The following NKAIN2 variants were observed in gnomAD, a reference collection of about 807,000 sequenced individuals.
NKAIN2 encodes sodium/potassium transporting ATPase interacting 2.
Under a neutral mutation model 32.6 loss-of-function variants are expected in NKAIN2, and 14 were observed. The ratio of observed to expected loss-of-function variants is 0.43; its 90% CI spans 0.28 to 0.67. The LOEUF is 0.67. Among genes scored for constraint, NKAIN2 ranks in the 30% least tolerant of loss-of-function variants. NKAIN2 has a pLI of 0.17. For missense variants in NKAIN2, 198 were observed against 258.3 expected (o/e 0.77, Z 1.60); for synonymous variants, 80 against 87.2 (o/e 0.92, Z 0.46).
At chr6:124,038,709 A>T (rs1308077181) in intron 1 of NKAIN2, among the ~76,000 whole-genome samples, 1 of 152,148 alleles carries the variant, frequency 6.6e-6, no homozygotes. Flanking sequence ...TAACTGGCTC[A>T]AACAAGAATA....
At chr6:124,476,004 GTA>G (rs756463262) in intron 3 of NKAIN2, among the ~76,000 whole-genome samples, 153 of 151,920 alleles carry the variant, frequency 1.0e-3, no homozygotes, top group African/African-American at 3.5e-3. Flanking sequence ...GTGTGTGTAT[GTA>G]TGTGTGTGTG....
At chr6:124,328,756 T>G (rs1241552248) in intron 2 of NKAIN2, among the ~76,000 whole-genome samples, 1 of 152,176 alleles carries the variant, frequency 6.6e-6, no homozygotes, top group Non-Finnish European at 1.5e-5. Context: ...GAGCTGTCAT[T>G]GGATGTAGGC....
chr6:124,331,347 A>C (rs1376699487), intron 2 of NKAIN2, among the ~76,000 whole-genome samples: 1 of 33,946 alleles, frequency 2.9e-5, no homozygotes, highest in Non-Finnish European at 6.7e-5. Flanking sequence ...TAAATATACA[A>C]AAAAAAAAAA....
At chr6:123,941,918 A>G (rs561273997) in intron 1 of NKAIN2, among the ~76,000 whole-genome samples, 11 of 151,856 alleles carry the variant, frequency 7.2e-5, no homozygotes, top group Non-Finnish European at 1.2e-4. Context: ...CTTGGACTTC[A>G]GCTTCAGTTT....
chr6:124,387,296 T>G (rs1046438522), intron 3 of NKAIN2, among the ~76,000 whole-genome samples: 26 of 20,806 alleles, frequency 1.2e-3, no homozygotes, highest in Middle Eastern at 0.019. Flanking sequence ...AATTAAAGGT[T>G]TTTTTTTTTT....
chr6:124,782,865 A>G (rs1779337442), intron 4 of NKAIN2, among the ~76,000 whole-genome samples: 1 of 152,142 alleles, frequency 6.6e-6, no homozygotes, highest in African/African-American at 2.4e-5. Flanking sequence ...CAAACATACA[A>G]TCTTAAACTT....
intron 5 of NKAIN2, among the ~76,000 whole-genome samples, chr6:124,815,740 A>C (rs887777890): frequency 4.6e-5 from 7 of 152,252 alleles, no homozygotes; most frequent in South Asian, 2.1e-4. Flanking sequence ...TACTTGCTAT[A>C]GTTCTATAGT....
intron 4 of NKAIN2, among the ~76,000 whole-genome samples, chr6:124,731,264 A>G (rs1331954422): frequency 6.9e-6 from 1 of 145,912 alleles, no homozygotes; most frequent in Non-Finnish European, 1.5e-5. Flanking sequence ...ATGCACACGT[A>G]TGTTTATTGC....
At chr6:124,748,881 T>C (rs1341998146) in intron 4 of NKAIN2, among the ~76,000 whole-genome samples, 1 of 148,744 alleles carries the variant, frequency 6.7e-6, no homozygotes, top group Non-Finnish European at 1.5e-5. Context: ...TGCAAGTATA[T>C]TCGTTTTCTA....
chr6:124,262,366 A>G (rs1164345924), intron 1 of NKAIN2, among the ~76,000 whole-genome samples: 1 of 152,150 alleles, frequency 6.6e-6, no homozygotes, highest in Non-Finnish European at 1.5e-5. Flanking sequence ...TTAATCTGAG[A>G]TTTAGACAGC....
chr6:123,999,042 T>C (rs1052248650), intron 1 of NKAIN2, among the ~76,000 whole-genome samples: 1 of 152,012 alleles, frequency 6.6e-6, no homozygotes, highest in South Asian at 2.1e-4. Flanking sequence ...CTAAAGTAAA[T>C]AGTTCATTAA....
chr6:124,664,210 G>A (rs997698618), intron 4 of NKAIN2, among the ~76,000 whole-genome samples: 5 of 151,828 alleles, frequency 3.3e-5, no homozygotes, highest in Admixed American at 6.6e-5. Flanking sequence ...GGGAGGCGGA[G>A]GTTGCAGTGA....
chr6:123,942,763 T>C (rs1419395463), intron 1 of NKAIN2, among the ~76,000 whole-genome samples: 1 of 152,024 alleles, frequency 6.6e-6, no homozygotes, highest in African/African-American at 2.4e-5. Context: ...TTCTTAAACA[T>C]AATCCTATGA....
chr6:124,099,067 C>G (rs761503700), intron 1 of NKAIN2, among the ~76,000 whole-genome samples: 1 of 151,984 alleles, frequency 6.6e-6, no homozygotes, highest in Non-Finnish European at 1.5e-5. Context: ...ACAGGATGGT[C>G]CAAATGATAT....
intron 1 of NKAIN2, among the ~76,000 whole-genome samples, chr6:124,205,122 T>C (rs887817953): frequency 5.9e-5 from 9 of 151,764 alleles, no homozygotes; most frequent in Admixed American, 1.3e-4. Context: ...ATTTTGTTAG[T>C]TCATTTGAAT....
chr6:123,856,764 GAGCCGGCCTCTCTACTAT>G (rs1416346623), intron 1 of NKAIN2, among the ~76,000 whole-genome samples: 4 of 152,310 alleles, frequency 2.6e-5, no homozygotes, highest in Non-Finnish European at 5.9e-5. Context: ...GTGGGAGGTG[GAGCCGGCCTCTCTACTAT>G]AACAAACCCC....
At chr6:123,989,853 A>T (rs1779337750) in intron 1 of NKAIN2, among the ~76,000 whole-genome samples, 1 of 152,208 alleles carries the variant, frequency 6.6e-6, no homozygotes, top group Admixed American at 6.5e-5. Context: ...TCAAAAAGAA[A>T]TATGACTTAA....
intron 3 of NKAIN2, among the ~76,000 whole-genome samples, chr6:124,372,784 CT>C (rs1453643772): frequency 1.3e-5 from 2 of 151,840 alleles, no homozygotes; most frequent in African/African-American, 4.8e-5. Flanking sequence ...CATTTCTATA[CT>C]TTTCTAATAT....
rs1291706951 is a variant in NKAIN2 at position 124,585,824 on chromosome 6, A to G, written c.274-72362A>G. Among the ~76,000 whole-genome samples, 5 of 152,184 alleles carry G rather than the reference A, an allele frequency of 3.3e-5. No homozygotes were observed. In the East Asian group the frequency reaches 9.6e-4, roughly 29 times the overall value. On this transcript the variant is annotated intron_variant, in intron 3 of 6. Coordinates refer to ENST00000368417, the MANE Select transcript of NKAIN2 (RefSeq NM_001040214.3). Reference sequence around the variant, plus strand: ...AATTTACCCTTTTTAGTGAACAACTATGTGAGTTTTGACAAGCAGAGGTTT... The same window carrying G: ...AATTTACCCTTTTTAGTGAACAACTGTGTGAGTTTTGACAAGCAGAGGTTT...
Sources: allele counts gnomAD v4.1 joint callset (sites outside exome capture counted in the v4.1 genomes callset), GRCh38; gene constraint gnomAD v4.1.1; transcripts MANE v1.5; gene names NCBI Gene and HGNC (gene_info 2026-07-23, HGNC 2026-07-21).